RANBP2: variants seen among roughly 807,000 people sequenced by gnomAD.
RANBP2 encodes RAN binding protein 2, also known as E3 SUMO-protein ligase RanBP2.
A neutral mutation model predicts 303.6 loss-of-function variants in RANBP2; 57 were observed. The ratio of observed to expected loss-of-function variants is 0.19; its 90% CI spans 0.15 to 0.23. RANBP2 has a LOEUF of 0.23. Among genes scored for constraint, RANBP2 ranks in the 10% least tolerant of loss-of-function variants. RANBP2 has a pLI of 1.00. For missense variants in RANBP2, 3,138 were observed against 3,780.8 expected (o/e 0.83, Z 4.46); for synonymous variants, 1,167 against 1,301.5 (o/e 0.90, Z 2.23).
the RANBP2 span, among the ~76,000 whole-genome samples, chr2:109,636,369 A>G: frequency 1.3e-5 from 2 of 152,220 alleles, no homozygotes; most frequent in Non-Finnish European, 2.9e-5. Flanking sequence ...CTTCTATGAA[A>G]AGAAGAACAC....
At chr2:109,468,372 G>T in the RANBP2 span, among the ~76,000 whole-genome samples, 22 of 152,206 alleles carry the variant, frequency 1.4e-4, no homozygotes, top group Admixed American at 1.4e-3. Flanking sequence ...TGCGACATCA[G>T]TAGGCAACAT....
At chr2:109,459,013 G>A in the RANBP2 span, among the ~76,000 whole-genome samples, 1 of 152,088 alleles carries the variant, frequency 6.6e-6, no homozygotes, top group Non-Finnish European at 1.5e-5. Flanking sequence ...CAAAAGCAAA[G>A]TCATACTTCT....
chr2:109,495,555 C>T, the RANBP2 span, among the ~76,000 whole-genome samples: 2 of 127,836 alleles, frequency 1.6e-5, no homozygotes, highest in Non-Finnish European at 3.1e-5. Context: ...GCGGTGCAAT[C>T]TTGGCCCACT....
the RANBP2 span, among the ~76,000 whole-genome samples, chr2:109,721,326 A>G: frequency 6.6e-6 from 1 of 152,126 alleles, no homozygotes. Context: ...GAAATTCCAC[A>G]CTGCGCCACA....
At chr2:109,514,176 C>T in the RANBP2 span, among the ~76,000 whole-genome samples, 5 of 152,286 alleles carry the variant, frequency 3.3e-5, no homozygotes, top group East Asian at 1.9e-4. Context: ...TCAAGCTAGC[C>T]GGGCCAGATT....
rs1452794369 is a variant in RANBP2 at position 108,751,794 on chromosome 2, A to G, written c.1632-77A>G. The stretch of plus-strand genomic sequence containing the variant: ...ATGTGAAGATTTAATTTGTCATGTG[A>G]CCCATTAACATATATGTATGTAAGC... On this transcript the variant is annotated intron_variant, in intron 11 of 28. Coordinates refer to ENST00000283195, the MANE Select transcript of RANBP2 (RefSeq NM_006267.5). 8 of 1,611,774 alleles carry G rather than the reference A, an allele frequency of 5.0e-6. No homozygotes were observed. In the African/African-American group the frequency reaches 9.4e-5, roughly 19 times the overall value.
chr2:109,500,122 G>T, the RANBP2 span, among the ~76,000 whole-genome samples: 1 of 152,168 alleles, frequency 6.6e-6, no homozygotes, highest in Non-Finnish European at 1.5e-5. Flanking sequence ...TCTTTTGGCT[G>T]CCGTGAGGTT....
the RANBP2 span, among the ~76,000 whole-genome samples, chr2:109,688,113 C>T: frequency 1.3e-5 from 2 of 152,096 alleles, no homozygotes; most frequent in Non-Finnish European, 2.9e-5. Flanking sequence ...GAAACTGCTC[C>T]GCATGTGTGG....
the RANBP2 span, among the ~76,000 whole-genome samples, chr2:109,713,620 G>C: frequency 2.0e-5 from 3 of 152,224 alleles, no homozygotes; most frequent in African/African-American, 7.2e-5. Context: ...TAGCTCTGCA[G>C]AAGTGGTCGT....
chr2:108,910,528 G>T, the RANBP2 span: 1 of 1,613,058 alleles, frequency 6.2e-7, no homozygotes, highest in South Asian at 1.1e-5. Context: ...ACATCACCAC[G>T]TTGTCTGCAG....
At chr2:109,583,668 C>A in the RANBP2 span, among the ~76,000 whole-genome samples, 3 of 152,052 alleles carry the variant, frequency 2.0e-5, no homozygotes, top group Non-Finnish European at 4.4e-5. Flanking sequence ...CTCATTCTAC[C>A]AAAAAGACAC....
At chr2:109,557,255 T>C in the RANBP2 span, among the ~76,000 whole-genome samples, 1 of 152,220 alleles carries the variant, frequency 6.6e-6, no homozygotes, top group Admixed American at 6.5e-5. Context: ...CATTAATCTA[T>C]ACAAGCACTT....
chr2:109,578,117 A>T, the RANBP2 span, among the ~76,000 whole-genome samples: 2 of 152,138 alleles, frequency 1.3e-5, no homozygotes, highest in Admixed American at 1.3e-4. Flanking sequence ...CAGGCAAGAA[A>T]GGAAAAATAA....
the RANBP2 span, among the ~76,000 whole-genome samples, chr2:109,126,647 G>T: frequency 6.6e-6 from 1 of 152,192 alleles, no homozygotes; most frequent in Admixed American, 6.5e-5. Context: ...GAGGCAGCTG[G>T]TGCAAGAAAG....
At chr2:109,252,105 G>A in the RANBP2 span, among the ~76,000 whole-genome samples, 3 of 151,400 alleles carry the variant, frequency 2.0e-5, 1 homozygote, top group African/African-American at 7.3e-5. Flanking sequence ...ATAGCTGAGT[G>A]GGGTGTCACA....
chr2:109,325,108 A>G, the RANBP2 span, among the ~76,000 whole-genome samples: 67 of 152,248 alleles, frequency 4.4e-4, no homozygotes, highest in African/African-American at 1.6e-3. Flanking sequence ...ACAAGGCCCA[A>G]GAGGTCAGGG....
At chr2:108,725,918 C>G (rs1172941073) in intron 1 of RANBP2, among the ~76,000 whole-genome samples, 1 of 151,928 alleles carries the variant, frequency 6.6e-6, no homozygotes, top group African/African-American at 2.4e-5. Context: ...GCATACAAGT[C>G]TCTCACCTCC....
the RANBP2 span, among the ~76,000 whole-genome samples, chr2:109,479,527 G>A: frequency 9.2e-5 from 14 of 152,150 alleles, no homozygotes; most frequent in Non-Finnish European, 1.9e-4. Context: ...TCTCCCTGGG[G>A]TGTCGGGATG....
the RANBP2 span, among the ~76,000 whole-genome samples, chr2:108,964,746 C>G: frequency 6.6e-6 from 1 of 152,210 alleles, no homozygotes; most frequent in Admixed American, 6.5e-5. Flanking sequence ...TCAGTGCTCA[C>G]TAAGTGACAG....
Sources: gnomAD v4.1 joint callset for allele counts (sites outside exome capture counted in the v4.1 genomes callset) on GRCh38, gnomAD v4.1.1 for gene constraint, MANE v1.5 for transcripts, NCBI Gene and HGNC (gene_info 2026-07-23, HGNC 2026-07-21) for gene names.